The following DCLK2 variants were observed in gnomAD, a reference collection of about 807,000 sequenced individuals.
DCLK2 encodes the protein doublecortin like kinase 2.
DCLK2 carries 31 observed loss-of-function variants against 78.4 expected under a neutral mutation model. The observed-to-expected ratio is 0.40, with a 90% CI of 0.30 to 0.53. DCLK2 has a LOEUF of 0.53. Among genes scored for constraint, DCLK2 ranks in the 20% least tolerant of loss-of-function variants. DCLK2 has a pLI of 0.61. For missense variants in DCLK2, 872 were observed against 973.7 expected, an observed-to-expected ratio of 0.90 and a Z score of 1.39; for synonymous variants, 407 against 374.9, an observed-to-expected ratio of 1.09 and a Z score of -0.99.
intron 8 of DCLK2, among the ~76,000 whole-genome samples, chr4:150,231,662 T>C (rs918085321): frequency 2.6e-5 from 4 of 152,200 alleles, no homozygotes; most frequent in African/African-American, 9.6e-5. Context: ...CTCACCAGGA[T>C]TGATAATCAG....
In DCLK2 at chr4:150,175,011, A is replaced by AAAAAAAAT. The variant is rs1454035697; in HGVS notation, c.757-18126_757-18125insAAAAAATA. Among the ~76,000 whole-genome samples, 70 of 9,974 alleles carry AAAAAAAAT rather than the reference A, an allele frequency of 7.0e-3. 22 individuals are homozygous for AAAAAAAAT. Among genetic ancestry groups the AAAAAAAAT allele is most frequent in the African/African-American group, 0.017 (65 of 3,794 alleles). The allele number at this position is 9,974 out of a possible 152,430, so 6.5% of individuals were successfully genotyped here. A position where few individuals can be genotyped will look rare whatever the true frequency, so the allele number is the denominator to read the frequency against. ...AGACTCCGTCGCAAAAAAAAAAAAA[A>AAAAAAAAT]ATATATATATATATATATATATTTA... On this transcript the variant is annotated intron_variant, in intron 2 of 15. Transcript: ENST00000296550.
chr4:150,183,139 T>A (rs576139595), intron 2 of DCLK2, among the ~76,000 whole-genome samples: 1 of 152,364 alleles, frequency 6.6e-6, no homozygotes, highest in South Asian at 2.1e-4. Flanking sequence ...GATTTTCCCT[T>A]TACTCTGTTT....
intron 2 of DCLK2, among the ~76,000 whole-genome samples, chr4:150,134,271 G>A (rs992704993): frequency 6.6e-6 from 1 of 151,682 alleles, no homozygotes; most frequent in Non-Finnish European, 1.5e-5. Context: ...TAGTAGAGAT[G>A]CGGTTTCACC....
Position 150,193,206 on chromosome 4 carries a change from T to C in DCLK2, c.825T>C (p.Arg275=). The C allele has an allele frequency of 6.2e-7, 1 of 1,611,928 alleles. No homozygotes were observed. Among genetic ancestry groups the C allele is most frequent in the Middle Eastern group, 1.7e-4 (1 of 6,054 alleles). Reference sequence around the variant, plus strand: ...TTGCATGTGGACCAGAAAAATTTCGTTATGCCCAAGATGACTTTGTCCTGG... The same window carrying C: ...TTGCATGTGGACCAGAAAAATTTCGCTATGCCCAAGATGACTTTGTCCTGG... ...VFIACGPEKF[R]YAQDDFVLDH... is the part of the protein sequence containing the mutation. Residue 275 remains arginine, a synonymous_variant, in exon 3 of 16, where the codon CGT becomes CGC. Coordinates refer to ENST00000296550, the MANE Select transcript of DCLK2 (RefSeq NM_001040260.4).
chr4:150,218,663 G>A (rs1417316135), intron 5 of DCLK2, among the ~76,000 whole-genome samples: 1 of 152,268 alleles, frequency 6.6e-6, no homozygotes, highest in East Asian at 1.9e-4. Context: ...TGGGAGAGGC[G>A]GTGGTTCCTG....
chr4:150,238,323 A>G (rs1452748052), intron 10 of DCLK2, among the ~76,000 whole-genome samples: 1 of 152,192 alleles, frequency 6.6e-6, no homozygotes, highest in African/African-American at 2.4e-5. Flanking sequence ...TATCATAGTC[A>G]TTGCCCTATT....
chr4:150,242,055 T>C (rs1742968003), intron 12 of DCLK2, among the ~76,000 whole-genome samples: 1 of 152,236 alleles, frequency 6.6e-6, no homozygotes, highest in South Asian at 2.1e-4. Flanking sequence ...TTGTGAAAAC[T>C]TTCAAACATA....
intron 5 of DCLK2, among the ~76,000 whole-genome samples, chr4:150,218,805 C>T (rs1740945511): frequency 1.3e-5 from 2 of 152,182 alleles, no homozygotes; most frequent in South Asian, 4.1e-4. Flanking sequence ...TTTCCACCTC[C>T]CCTGTTACTT....
chr4:150,079,169 C>T lies in DCLK2; in HGVS notation c.142C>T (p.Pro48Ser). The change falls in exon 1 of 16, where the codon CCG (proline) becomes TCG (serine). Residue 48 changes from proline (P) to serine (S), a missense_variant. Pro to Ser is a moderately conservative substitution (Grantham distance 74). Coordinates refer to ENST00000296550, the MANE Select transcript of DCLK2 (RefSeq NM_001040260.4). ...CAAGGGGAACGGGCTCATCCCCAGT[C>T]CGGCGCACAGTGCCCACTGCAGCTT... ...GPKGNGLIPS[P>S]AHSAHCSFYR... The T allele has an allele frequency of 1.2e-6, 2 of 1,608,586 alleles. No individual in the cohort carries two copies. The highest frequency in any genetic ancestry group is 1.7e-6 in the Non-Finnish European group (2 of 1,177,460).
intron 2 of DCLK2, among the ~76,000 whole-genome samples, chr4:150,119,500 G>A (rs1005545347): frequency 1.3e-5 from 2 of 152,154 alleles, no homozygotes; most frequent in Non-Finnish European, 2.9e-5. Flanking sequence ...ACCTGGGAAA[G>A]GCTTACAAAT....
chr4:150,254,884 C>T (rs1391120159), intron 15 of DCLK2, among the ~76,000 whole-genome samples: 1 of 152,136 alleles, frequency 6.6e-6, no homozygotes, highest in Admixed American at 6.5e-5. Context: ...CTCTGTGTTG[C>T]CCAGGCTGGT....
chr4:150,125,103 A>C (rs76014762), intron 2 of DCLK2, among the ~76,000 whole-genome samples: 5,664 of 152,268 alleles, frequency 0.037, 153 homozygotes, highest in Non-Finnish European at 0.059. Context: ...GCATGTTGTC[A>C]TGTCGTTCTC....
intron 2 of DCLK2, among the ~76,000 whole-genome samples, chr4:150,158,230 G>A (rs190101166): frequency 1.6e-3 from 239 of 152,250 alleles, no homozygotes; most frequent in Middle Eastern, 0.014. Flanking sequence ...TGGCATCTGT[G>A]TGTGTCCACA....
intron 15 of DCLK2, among the ~76,000 whole-genome samples, chr4:150,250,830 A>G (rs1354473189): frequency 6.7e-6 from 1 of 148,486 alleles, no homozygotes; most frequent in African/African-American, 2.5e-5. Flanking sequence ...TAGAAGCTAT[A>G]AGGAAGCCAC....
chr4:150,242,440 T>G (rs1206679393), intron 12 of DCLK2, among the ~76,000 whole-genome samples: 2 of 152,236 alleles, frequency 1.3e-5, no homozygotes, highest in Admixed American at 1.3e-4. Context: ...AGAATTACTG[T>G]ACATTTCAGT....
chr4:150,078,995 C>T lies in DCLK2; in HGVS notation c.-33C>T, dbSNP rs1729023512. 1 of 1,506,930 alleles carries T rather than the reference C, an allele frequency of 6.6e-7. No homozygotes were observed. Among genetic ancestry groups the T allele is most frequent in the Non-Finnish European group, 8.8e-7 (1 of 1,131,320 alleles). 93.3% of individuals were successfully genotyped at this position (1,506,930 alleles called of 1,614,324 possible). On this transcript the variant is annotated 5_prime_UTR_variant, in exon 1 of 16. It adds an upstream start codon to the 5' untranslated region. Transcript: ENST00000296550. ...GCTCGCACCCTTAGTCGGCCCGGAA[C>T]GTCTTTTTGCGGACGCCCTCGGAGC...
chr4:150,103,803 C>G (rs891381201), intron 2 of DCLK2, among the ~76,000 whole-genome samples: 2 of 152,050 alleles, frequency 1.3e-5, no homozygotes, highest in East Asian at 3.9e-4. Flanking sequence ...TTTAAAAATA[C>G]GTTCTAAAGA....
At chr4:150,240,516 T>G (rs1270377876) in intron 12 of DCLK2, 40 bp downstream of exon 12, 1 of 1,592,164 alleles carries the variant, frequency 6.3e-7, no homozygotes, top group East Asian at 2.3e-5. Context: ...ATTGCAAATG[T>G]TCTCCCTTGG....
intron 2 of DCLK2, among the ~76,000 whole-genome samples, chr4:150,187,291 A>G (rs1390188989): frequency 1.3e-5 from 2 of 152,002 alleles, no homozygotes; most frequent in Admixed American, 6.6e-5. Context: ...TTGGCCTCCC[A>G]AAGCACTGGG....
Sources: allele counts gnomAD v4.1 joint callset (sites outside exome capture counted in the v4.1 genomes callset), GRCh38; gene constraint gnomAD v4.1.1; transcripts MANE v1.5; gene names NCBI Gene and HGNC (gene_info 2026-07-23, HGNC 2026-07-21).